The following DCLK1 variants were observed in gnomAD, a reference collection of about 807,000 sequenced individuals.
DCLK1 encodes doublecortin like kinase 1.
DCLK1 carries 16 observed loss-of-function variants against 86.2 expected under a neutral mutation model. The observed-to-expected ratio is 0.19, with a 90% CI of 0.13 to 0.28. DCLK1 has a LOEUF of 0.28. Ranked by LOEUF, DCLK1 falls within the 10% of genes least tolerant of loss-of-function variation. The pLI is 1.00. For synonymous variants in DCLK1, 369 were observed against 370.5 expected (o/e 1.00, Z 0.05); for missense variants, 590 against 940.2 (o/e 0.63, Z 4.87).
chr13:35,988,268 C>T (rs1245972927), intron 3 of DCLK1, among the ~76,000 whole-genome samples: 1 of 152,246 alleles, frequency 6.6e-6, no homozygotes, highest in Non-Finnish European at 1.5e-5. Flanking sequence ...TCAGCCCCTG[C>T]AGCGGGGACC....
intron 3 of DCLK1, among the ~76,000 whole-genome samples, chr13:35,991,287 C>T (rs768032099): frequency 4.6e-5 from 7 of 152,290 alleles, no homozygotes; most frequent in Non-Finnish European, 7.4e-5. Context: ...TGACTGTTCA[C>T]TCTTCAACAG....
intron 4 of DCLK1, among the ~76,000 whole-genome samples, chr13:35,911,808 G>A (rs1875050079): frequency 6.6e-6 from 1 of 152,140 alleles, no homozygotes; most frequent in African/African-American, 2.4e-5. Flanking sequence ...CTTATACAGA[G>A]ATCCAGAGAG....
chr13:36,048,440 T>G lies in DCLK1; in HGVS notation c.723+63429A>C, dbSNP rs932613128. Among the ~76,000 whole-genome samples, 37 of 152,200 alleles carry G rather than the reference T, an allele frequency of 2.4e-4. 1 individual carries two copies. Among genetic ancestry groups the G allele is most frequent in the Middle Eastern group, 6.3e-3 (2 of 316 alleles). On this transcript the variant is annotated intron_variant, in intron 3 of 16. Coordinates refer to ENST00000360631, the MANE Select transcript of DCLK1 (RefSeq NM_001330071.2). ...ACTGTTTATATTTTCCTTTGCAAGT[T>G]TATGGAATGCAGATTACATTTAAAC...
intron 10 of DCLK1, among the ~76,000 whole-genome samples, chr13:35,823,150 C>G (rs774710853): frequency 1.7e-4 from 26 of 152,102 alleles, no homozygotes; most frequent in Non-Finnish European, 3.5e-4. Flanking sequence ...TCCACAGATC[C>G]CAGCTAGGGG....
intron 6 of DCLK1, chr13:35,850,005 C>G: frequency 1.0e-6 from 1 of 969,520 alleles, no homozygotes; most frequent in Non-Finnish European, 1.2e-6. Context: ...TAAATTTATA[C>G]TGTTTCTAAT....
At chr13:35,861,272 C>G (rs779527991) in intron 5 of DCLK1, among the ~76,000 whole-genome samples, 1 of 152,084 alleles carries the variant, frequency 6.6e-6, no homozygotes, top group East Asian at 1.9e-4. Context: ...AAAAAAAGAC[C>G]AACTAGAGTC....
intron 6 of DCLK1, among the ~76,000 whole-genome samples, chr13:35,843,302 C>T (rs1869947029): frequency 6.6e-6 from 1 of 152,122 alleles, no homozygotes; most frequent in Admixed American, 6.5e-5. Flanking sequence ...GAAATGTTAT[C>T]ACCCCCAAGC....
intron 3 of DCLK1, among the ~76,000 whole-genome samples, chr13:35,954,219 TTA>T (rs1877852566): frequency 6.6e-6 from 1 of 152,034 alleles, no homozygotes; most frequent in African/African-American, 2.4e-5. Flanking sequence ...TGCTTTTTTT[TTA>T]AAAAAAAATC....
rs565090137 is a variant in DCLK1 at position 36,055,539 on chromosome 13, C to T, written c.723+56330G>A. ...ATTTCAGAAGAATAAGGGGAAACCT[C>T]CCCGCATTTTCCCCAGTGCTTCTTT... On this transcript the variant is annotated intron_variant, in intron 3 of 16. Coordinates refer to ENST00000360631, the MANE Select transcript of DCLK1 (RefSeq NM_001330071.2). 2.4e-4 allele frequency among the ~76,000 whole-genome samples: 37 copies of T among 152,284 alleles called. No individual in the cohort carries two copies. In the South Asian group the frequency reaches 4.8e-3, roughly 20 times the overall value.
At chr13:35,922,800 G>A (rs752313872) in intron 4 of DCLK1, among the ~76,000 whole-genome samples, 7 of 152,140 alleles carry the variant, frequency 4.6e-5, no homozygotes, top group Non-Finnish European at 7.4e-5. Flanking sequence ...TGGGCTCCAA[G>A]CTATTGGACA....
intron 5 of DCLK1, among the ~76,000 whole-genome samples, chr13:35,858,030 C>A (rs965283148): frequency 6.6e-6 from 1 of 152,112 alleles, no homozygotes; most frequent in Non-Finnish European, 1.5e-5. Flanking sequence ...AAAACAAAAA[C>A]AAAGATTTTA....
intron 6 of DCLK1, chr13:35,846,684 GC>G: frequency 8.1e-6 from 8 of 985,252 alleles, no homozygotes; most frequent in Non-Finnish European, 7.2e-6. Flanking sequence ...TTCACACTAT[GC>G]CTCTGTGCAA....
intron 5 of DCLK1, among the ~76,000 whole-genome samples, chr13:35,861,451 T>G (rs890395599): frequency 2.0e-5 from 3 of 152,004 alleles, no homozygotes; most frequent in African/African-American, 7.3e-5. Flanking sequence ...CAGCTCCCGC[T>G]AGAGTAAAGC....
At chr13:35,849,705 T>C in intron 6 of DCLK1, 1 of 985,004 alleles carries the variant, frequency 1.0e-6, no homozygotes, top group South Asian at 4.7e-5. Flanking sequence ...AAAGGAGTTT[T>C]GCATATGAAA....
chr13:35,783,464 G>A (rs1477549462), intron 16 of DCLK1, among the ~76,000 whole-genome samples: 22 of 152,196 alleles, frequency 1.4e-4, no homozygotes, highest in East Asian at 7.7e-4. Flanking sequence ...AATGTAACTC[G>A]CCCAAGGTTA....
intron 3 of DCLK1, among the ~76,000 whole-genome samples, chr13:36,041,293 A>C (rs912342395): frequency 7.2e-5 from 11 of 152,188 alleles, no homozygotes; most frequent in Non-Finnish European, 1.5e-4. Flanking sequence ...GCTTATCTGT[A>C]ACATTCCACT....
In DCLK1 at chr13:35,791,275, T is replaced by TA. The variant is rs768851342; in HGVS notation, c.2058+2090dup. Among the ~76,000 whole-genome samples the TA allele has an allele frequency of 5.6e-3, 790 of 140,782 alleles. 4 individuals are homozygous for TA. Among genetic ancestry groups the TA allele is most frequent in the Middle Eastern group, 0.011 (3 of 282 alleles). 92.4% of individuals were successfully genotyped at this position (140,782 alleles called of 152,430 possible). A position where few individuals can be genotyped will look rare whatever the true frequency, so the allele number is the denominator to read the frequency against. ...GAATCTGAATTAAGTTGATAATTAT[T>TA]AAAAAAAAAAAAACCTCTGCAGCAG... On this transcript the variant is annotated intron_variant, in intron 16 of 16. Coordinates refer to ENST00000360631, the MANE Select transcript of DCLK1 (RefSeq NM_001330071.2).
In DCLK1 at chr13:35,805,599, C is replaced by T. The variant is rs1406117509; in HGVS notation, c.1944+100G>A. ...CAGGCGTGAGACACTGCGCCTGGCC[C>T]ACAACACTTTCAAAAGGAGGCAATA... On this transcript the variant is annotated intron_variant, in intron 15 of 16. Transcript: ENST00000360631. The T allele has an allele frequency of 3.2e-6, 4 of 1,242,338 alleles. No homozygotes were observed. The African/African-American group carries it at 6.0e-5, about 19-fold the overall frequency. 77.0% of individuals were successfully genotyped at this position (1,242,338 alleles called of 1,614,324 possible).
At chr13:35,876,919 A>G (rs1343628075) in intron 4 of DCLK1, among the ~76,000 whole-genome samples, 1 of 152,182 alleles carries the variant, frequency 6.6e-6, no homozygotes, top group African/African-American at 2.4e-5. Flanking sequence ...AAGCCACTTG[A>G]AGGAAGCTAA....
Sources: allele counts gnomAD v4.1 joint callset (sites outside exome capture counted in the v4.1 genomes callset), GRCh38; gene constraint gnomAD v4.1.1; transcripts MANE v1.5; gene names NCBI Gene and HGNC (gene_info 2026-07-23, HGNC 2026-07-21).